ZNF385B: variants seen among roughly 807,000 people sequenced by gnomAD.
ZNF385B encodes zinc finger protein 533.
Under a neutral mutation model 39.2 loss-of-function variants are expected in ZNF385B, and 23 were observed. The observed-to-expected ratio is 0.59, with a 90% CI of 0.42 to 0.83. ZNF385B has a LOEUF of 0.83. Ranked by LOEUF, ZNF385B falls within the 40% of genes least tolerant of loss-of-function variation. The probability of loss-of-function intolerance (pLI) is 0.00; values close to 1 mark genes in which losing one functional copy is unlikely to be tolerated. For missense variants in ZNF385B, 552 were observed against 598.9 expected, an observed-to-expected ratio of 0.92 and a Z score of 0.82; for synonymous variants, 205 against 222.6, an observed-to-expected ratio of 0.92 and a Z score of 0.70.
chr2:179,576,165 G>A, intron 3 of ZNF385B: 4 of 985,290 alleles, frequency 4.1e-6, no homozygotes, highest in Non-Finnish European at 4.8e-6. Context: ...ACTGACTTCT[G>A]TCCTAGTTCA....
intron 6 of ZNF385B, among the ~76,000 whole-genome samples, chr2:179,448,970 T>C (rs986229873): frequency 6.6e-6 from 1 of 152,182 alleles, no homozygotes; most frequent in Non-Finnish European, 1.5e-5. Context: ...TGTATAAAAT[T>C]ATATATTTTC....
At chr2:179,641,629 A>G (rs1692276193) in intron 3 of ZNF385B, among the ~76,000 whole-genome samples, 1 of 152,108 alleles carries the variant, frequency 6.6e-6, no homozygotes, top group Non-Finnish European at 1.5e-5. Context: ...ACAAAATTGA[A>G]CCTCTATGGT....
chr2:179,530,051 C>A (rs892774158), intron 4 of ZNF385B, among the ~76,000 whole-genome samples: 4 of 152,124 alleles, frequency 2.6e-5, no homozygotes, highest in African/African-American at 9.7e-5. Context: ...GAGTGTAGGT[C>A]ATGAGAAATG....
chr2:179,597,539 T>C (rs1317379432), intron 3 of ZNF385B, among the ~76,000 whole-genome samples: 9 of 152,204 alleles, frequency 5.9e-5, no homozygotes, highest in Admixed American at 5.9e-4. Flanking sequence ...CTCTTGAAAT[T>C]ATGATTTCAT....
chr2:179,811,219 T>C (rs542546712), intron 1 of ZNF385B, among the ~76,000 whole-genome samples: 1 of 152,228 alleles, frequency 6.6e-6, no homozygotes, highest in Non-Finnish European at 1.5e-5. Context: ...ATTGTTAAAA[T>C]AACCATATCA....
intron 1 of ZNF385B, among the ~76,000 whole-genome samples, chr2:179,802,113 T>C (rs1447915072): frequency 6.6e-6 from 1 of 152,126 alleles, no homozygotes; most frequent in Non-Finnish European, 1.5e-5. Flanking sequence ...CACTTCAGCT[T>C]AAGCATATTT....
intron 3 of ZNF385B, among the ~76,000 whole-genome samples, chr2:179,615,413 C>T (rs963137168): frequency 7.2e-5 from 11 of 152,168 alleles, no homozygotes; most frequent in Non-Finnish European, 1.3e-4. Context: ...TATTGGGCTC[C>T]ATCCCAGACC....
chr2:179,716,093 G>A (rs1179860858), intron 3 of ZNF385B, among the ~76,000 whole-genome samples: 1 of 152,110 alleles, frequency 6.6e-6, no homozygotes, highest in Non-Finnish European at 1.5e-5. Context: ...AGTTCAATGG[G>A]TTGTGTTTAT....
intron 3 of ZNF385B, among the ~76,000 whole-genome samples, chr2:179,676,371 A>C (rs1444695889): frequency 1.3e-5 from 2 of 151,414 alleles, no homozygotes; most frequent in Non-Finnish European, 1.5e-5. Context: ...TACAGGCGTG[A>C]GCCACCACGC....
chr2:179,775,548 A>G (rs1704264142), intron 1 of ZNF385B, among the ~76,000 whole-genome samples: 1 of 152,184 alleles, frequency 6.6e-6, no homozygotes, highest in Admixed American at 6.5e-5. Context: ...TGCTAGTGAA[A>G]TAGATTTTAA....
At chr2:179,760,223 CGTGTGT>C (rs1553525685) in intron 3 of ZNF385B, among the ~76,000 whole-genome samples, 12 of 144,476 alleles carry the variant, frequency 8.3e-5, no homozygotes, top group Non-Finnish European at 1.1e-4. Context: ...TTCCTGTGTG[CGTGTGT>C]GTGTGTGTGT....
intron 1 of ZNF385B, among the ~76,000 whole-genome samples, chr2:179,777,398 CTTAA>C (rs1422179471): frequency 2.6e-5 from 4 of 152,026 alleles, no homozygotes; most frequent in African/African-American, 9.7e-5. Context: ...TACAAAAATT[CTTAA>C]TTAGTTAAAT....
At chr2:179,643,154 A>C (rs1692418155) in intron 3 of ZNF385B, among the ~76,000 whole-genome samples, 3 of 151,900 alleles carry the variant, frequency 2.0e-5, no homozygotes, top group Admixed American at 1.3e-4. Flanking sequence ...CAATTACAAC[A>C]TTCGGACTTT....
intron 1 of ZNF385B, among the ~76,000 whole-genome samples, chr2:179,803,543 G>A (rs979111995): frequency 6.6e-6 from 1 of 152,038 alleles, no homozygotes; most frequent in African/African-American, 2.4e-5. Context: ...TCTAATTAAT[G>A]GAACAGCTCA....
intron 5 of ZNF385B, among the ~76,000 whole-genome samples, 183 bp downstream of exon 5, chr2:179,518,345 A>ACT (rs780179128): frequency 1.3e-5 from 2 of 152,150 alleles, no homozygotes; most frequent in Non-Finnish European, 2.9e-5. Context: ...GGCCAACCAT[A>ACT]CTCTATTGTT....
Position 179,445,728 on chromosome 2 carries a change from C to T in ZNF385B, c.962G>A (p.Gly321Glu), listed in dbSNP as rs781140230. The change falls in exon 8 of 10, where the codon GGA (glycine) becomes GAA (glutamate). Residue 321 changes from glycine (G) to glutamate (E), a missense_variant and splice_region_variant. Physicochemically the swap from Gly to Glu is moderately conservative, Grantham distance 98. Coordinates refer to ENST00000410066, the MANE Select transcript of ZNF385B (RefSeq NM_152520.6). ...SLSQLEAHNT[G>E]SKHKTMVEAR... ...TTCAACCATGGTCTTGTGTTTAGAT[C>T]CTAAGACAGAAAGAGACACATATTA... 5.0e-6 allele frequency: 8 copies of T among 1,599,512 alleles called. No homozygotes were observed. The highest frequency in any genetic ancestry group is 1.4e-5 in the African/African-American group (1 of 74,032).
intron 3 of ZNF385B, among the ~76,000 whole-genome samples, chr2:179,693,723 A>G (rs1247862775): frequency 6.6e-6 from 1 of 152,210 alleles, no homozygotes; most frequent in Non-Finnish European, 1.5e-5. Context: ...ACAGATTGAC[A>G]GAACCAAGAA....
chr2:179,828,405 C>T (rs1007600255), intron 1 of ZNF385B, among the ~76,000 whole-genome samples: 5 of 152,150 alleles, frequency 3.3e-5, no homozygotes, highest in African/African-American at 1.2e-4. Flanking sequence ...CACCATATTA[C>T]ACACAACATT....
intron 3 of ZNF385B, among the ~76,000 whole-genome samples, chr2:179,763,345 A>G (rs1241164967): frequency 6.6e-6 from 1 of 152,228 alleles, no homozygotes; most frequent in African/African-American, 2.4e-5. Flanking sequence ...AAGTTGTGTC[A>G]TAATATCATG....
Sources: allele counts gnomAD v4.1 joint callset (sites outside exome capture counted in the v4.1 genomes callset), GRCh38; gene constraint gnomAD v4.1.1; transcripts MANE v1.5; gene names NCBI Gene and HGNC (gene_info 2026-07-23, HGNC 2026-07-21).